ZNF202: variants seen among roughly 807,000 people sequenced by gnomAD.
ZNF202 encodes the protein zinc finger protein with KRAB and SCAN domains 10.
In ZNF202, 22 loss-of-function variants were observed where a neutral mutation model predicts 54.5. The ratio of observed to expected loss-of-function variants is 0.40; its 90% CI spans 0.29 to 0.58. ZNF202 has a LOEUF of 0.58. ZNF202 is among the 20% of genes least tolerant of loss of function. ZNF202 has a pLI of 0.39. For synonymous variants in ZNF202, 294 were observed against 301.4 expected, an observed-to-expected ratio of 0.98 and a Z score of 0.26; for missense variants, 644 against 805.5, an observed-to-expected ratio of 0.80 and a Z score of 2.43.
rs1861175803 is a variant in ZNF202 at position 123,726,951 on chromosome 11, T to C, written c.993A>G (p.Glu331=). 6.2e-7 allele frequency: 1 copy of C among 1,613,716 alleles called. No individual in the cohort carries two copies. Among genetic ancestry groups the C allele is most frequent in the Non-Finnish European group, 8.5e-7 (1 of 1,179,968 alleles). ...TGTGTATATCCTCCAAACTCAGATCTTCCTGCTCCAGACACTCTTCCTCAT... is the reference window on the plus strand; with the variant it reads ...TGTGTATATCCTCCAAACTCAGATCCTCCTGCTCCAGACACTCTTCCTCAT... ...SKDEEECLEQ[E]DLSLEDIHRP... is the part of the protein sequence containing the mutation. The change falls in exon 9 of 9, where the codon GAA becomes GAG. Residue 331 remains glutamate, a synonymous_variant. Transcript: ENST00000530393. This position sits in a 1 kb window ranked among gnomAD's most constrained non-coding sequence, Gnocchi z 6.0.
intron 3 of ZNF202, among the ~76,000 whole-genome samples, chr11:123,734,943 C>T (rs896242506): frequency 8.6e-5 from 13 of 151,764 alleles, no homozygotes; most frequent in African/African-American, 2.2e-4. Flanking sequence ...GATGGAACCA[C>T]AACTCATCAC....
intron 4 of ZNF202, 145 bp from the exon 5 acceptor site, chr11:123,729,970 C>T (rs1253633539): frequency 7.1e-6 from 6 of 845,016 alleles, no homozygotes; most frequent in Non-Finnish European, 8.9e-6. Context: ...TTCAATGGAG[C>T]AGGCAAGGAG....
rs1861064447 is a variant in ZNF202 at position 123,725,004 on chromosome 11, G to A, written c.*993C>T. 1 of 152,190 alleles carries A rather than the reference G, an allele frequency of 6.6e-6. No homozygotes were observed. The highest frequency in any genetic ancestry group is 2.1e-4 in the South Asian group (1 of 4,824). The allele number at this position is 152,190 out of a possible 1,614,324, so 9.4% of individuals were successfully genotyped here. On this transcript the variant is annotated 3_prime_UTR_variant, in exon 9 of 9. Transcript: ENST00000530393. ...CCATGGCAATCATGATTCTGTAATT[G>A]TTATAGTGCCTTTGTAAGTTGACAG...
rs1861319861 is a variant in ZNF202, at chr11:123,729,697, T to C, written c.531A>G (p.Glu177=). 1 of 1,613,578 alleles carries C rather than the reference T, an allele frequency of 6.2e-7. No individual in the cohort carries two copies. Among genetic ancestry groups the C allele is most frequent in the African/African-American group, 1.3e-5 (1 of 75,014 alleles). Residue 177 remains glutamate, a synonymous_variant, in exon 5 of 9, where the codon GAA becomes GAG. Coordinates refer to ENST00000530393, the MANE Select transcript of ZNF202 (RefSeq NM_003455.4). ...CCCCCAGATCTGGGCTCTGTGTGGTTTCCTCAGGAGACTGCTCGGGGGTCG... is the reference window on the plus strand; with the variant it reads ...CCCCCAGATCTGGGCTCTGTGTGGTCTCCTCAGGAGACTGCTCGGGGGTCG... ...QSSTPEQSPE[E]TTQSPDLGAP... is the part of the protein sequence containing the mutation.
chr11:123,728,908 C>T (rs1291998969), intron 6 of ZNF202, among the ~76,000 whole-genome samples: 1 of 151,890 alleles, frequency 6.6e-6, no homozygotes, highest in African/African-American at 2.4e-5. Flanking sequence ...GTTAGTTCTT[C>T]TAGTCAATGG....
At chr11:123,727,065 T>C in intron 8 of ZNF202, 74 bp from the exon 9 acceptor site, 1 of 1,519,324 alleles carries the variant, frequency 6.6e-7, no homozygotes. Context: ...GGGAGATTTT[T>C]ACAAAGGGTT....
At chr11:123,733,623 T>C (rs1861507357) in intron 3 of ZNF202, among the ~76,000 whole-genome samples, 1 of 152,158 alleles carries the variant, frequency 6.6e-6, no homozygotes, top group Non-Finnish European at 1.5e-5. Flanking sequence ...AGTAGTACAA[T>C]CATAGCTCAC....
chr11:123,741,427 C>T (rs1040702107), intron 1 of ZNF202, 122 bp downstream of exon 1: 1 of 152,404 alleles, frequency 6.6e-6, no homozygotes, highest in Non-Finnish European at 1.5e-5. Context: ...GGCGATTTCC[C>T]CAGACTCTGG....
At position 123,723,974 on chromosome 11, in the gene ZNF202, TAA is replaced by T. The variant is rs1391040440; in HGVS notation, c.*2021_*2022del. ...ATTGGAATAATGCAAATAAGAAAAT[TAA>T]AAAGTCAATTTGTTGTCACTGCCAG... On this transcript the variant is annotated 3_prime_UTR_variant, in exon 9 of 9. Coordinates refer to ENST00000530393, the MANE Select transcript of ZNF202 (RefSeq NM_003455.4). Among the ~76,000 whole-genome samples the T allele has an allele frequency of 1.3e-5, 2 of 152,208 alleles. No individual in the cohort carries two copies. Among genetic ancestry groups the T allele is most frequent in the African/African-American group, 2.4e-5 (1 of 41,460 alleles).
Position 123,741,542 on chromosome 11 carries a change from G to A in ZNF202, c.-294+7C>T, listed in dbSNP as rs1264405435. The A allele has an allele frequency of 6.5e-6, 1 of 152,892 alleles. No homozygotes were observed. Among genetic ancestry groups the A allele is most frequent in the Non-Finnish European group, 1.5e-5 (1 of 68,440 alleles). 9.5% of individuals were successfully genotyped at this position (152,892 alleles called of 1,614,324 possible). A position where few individuals can be genotyped will look rare whatever the true frequency, so the allele number is the denominator to read the frequency against. ...GCCCGGCCCAGCCCAGCCCACTCAG[G>A]ACTCACGGCTCCGACAGCTCCGGCG... On this transcript the variant is annotated splice_region_variant and intron_variant, in intron 1 of 8. Transcript: ENST00000530393.
intron 3 of ZNF202, among the ~76,000 whole-genome samples, chr11:123,734,256 T>C (rs574489389): frequency 6.7e-4 from 102 of 152,058 alleles, no homozygotes; most frequent in Non-Finnish European, 1.2e-3. Flanking sequence ...AGTAGGTGAG[T>C]GGTGAACTTC....
chr11:123,726,333 G>A lies in ZNF202; in HGVS notation c.1611C>T (p.Tyr537=). The part of the protein sequence containing the change: ...HQRIHLGGKP[Y]LCGECGEDFS... ...AGTCCTCACCACACTCTCCACACAA[G>A]TAGGGTTTGCCTCCCAGGTGGATTC... The change falls in exon 9 of 9, where the codon TAC becomes TAT. Residue 537 remains tyrosine, a synonymous_variant. Coordinates refer to ENST00000530393, the MANE Select transcript of ZNF202 (RefSeq NM_003455.4). The surrounding 1 kb of genome is among the most constrained non-coding windows in gnomAD (Gnocchi z 6.0). 6.2e-7 allele frequency: 1 copy of A among 1,614,234 alleles called. No individual in the cohort carries two copies.
intron 3 of ZNF202, among the ~76,000 whole-genome samples, chr11:123,736,259 C>T: frequency 6.6e-6 from 1 of 152,140 alleles, no homozygotes. Flanking sequence ...TTTCTGGACC[C>T]TAAATGACAA....
At chr11:123,732,490 C>A (rs78529212) in intron 3 of ZNF202, among the ~76,000 whole-genome samples, 81 of 152,256 alleles carry the variant, frequency 5.3e-4, no homozygotes, top group Non-Finnish European at 9.3e-4. Flanking sequence ...GATTCTTTAT[C>A]CTTGGTTAGG....
intron 6 of ZNF202, 146 bp from the exon 7 acceptor site, chr11:123,728,408 G>C: frequency 2.8e-6 from 3 of 1,075,656 alleles, no homozygotes; most frequent in South Asian, 2.0e-5. Context: ...TCTCGGGGGA[G>C]CCATGTGTCC....
chr11:123,739,648 GAAC>G (rs2137381174), intron 3 of ZNF202: 1 of 152,242 alleles, frequency 6.6e-6, no homozygotes, highest in African/African-American at 2.4e-5. Context: ...TTAATTTTGC[GAAC>G]AAAATATTCA....
intron 7 of ZNF202, 129 bp from the exon 8 acceptor site, chr11:123,727,724 T>A: frequency 7.8e-7 from 1 of 1,281,036 alleles, no homozygotes; most frequent in Non-Finnish European, 1.1e-6. Flanking sequence ...ATCTTTCATC[T>A]CTTTAGTTTG....
At position 123,727,612 on chromosome 11, in the gene ZNF202, A is replaced by G; in HGVS notation, c.833-17T>C. 6.2e-7 allele frequency: 1 copy of G among 1,613,824 alleles called. No individual in the cohort carries two copies. The highest frequency in any genetic ancestry group is 8.5e-7 in the Non-Finnish European group (1 of 1,179,840). Reference sequence around the variant, plus strand: ...TTGGAAATGCTGCTCAAGAGAGGGAAAATAGGATATCACGATTGGCTCAAC... The same window carrying G: ...TTGGAAATGCTGCTCAAGAGAGGGAGAATAGGATATCACGATTGGCTCAAC... On this transcript the variant is annotated splice_polypyrimidine_tract_variant and intron_variant, in intron 7 of 8. Transcript: ENST00000530393.
intron 3 of ZNF202, chr11:123,739,010 G>C (rs1861749134): frequency 1.3e-5 from 2 of 152,198 alleles, no homozygotes; most frequent in Admixed American, 1.3e-4. Context: ...CGAGAGCAAG[G>C]GTCTCCTTAT....
Sources: allele counts gnomAD v4.1 joint callset (sites outside exome capture counted in the v4.1 genomes callset), GRCh38; gene constraint gnomAD v4.1.1; non-coding constraint Gnocchi (gnomAD v3.1); transcripts MANE v1.5; gene names NCBI Gene and HGNC (gene_info 2026-07-23, HGNC 2026-07-21).